Variants in PCDHA5 observed in about 807,000 individuals in gnomAD.
PCDHA5 encodes the protein protocadherin alpha 5, also known as protocadherin alpha-5.
In PCDHA5, 43 loss-of-function variants were observed where a neutral mutation model predicts 61.6. That is an observed-to-expected ratio of 0.70 (90% CI 0.55 to 0.90). The LOEUF is 0.90. Ranked by LOEUF, PCDHA5 falls within the 40% of genes least tolerant of loss-of-function variation. PCDHA5 has a pLI of 0.00. For synonymous variants in PCDHA5, 627 were observed against 543.9 expected (o/e 1.15, Z -2.13); for missense variants, 1,298 against 1,222.7 (o/e 1.06, Z -0.92).
At chr5:140,909,235 A>G (rs1554193708) in intron 1 of PCDHA5, among the ~76,000 whole-genome samples, 1 of 152,182 alleles carries the variant, frequency 6.6e-6, no homozygotes, top group African/African-American at 2.4e-5. Flanking sequence ...TAGGATGGTA[A>G]AGATATATTG....
At chr5:140,869,188 G>A (rs200563745) in intron 1 of PCDHA5, 5 of 1,613,828 alleles carry the variant, frequency 3.1e-6, no homozygotes, top group African/African-American at 2.7e-5. Context: ...GGTGGGGAGC[G>A]GCCAGCTCCA....
intron 1 of PCDHA5, among the ~76,000 whole-genome samples, chr5:140,874,989 A>G (rs1411320872): frequency 6.6e-6 from 1 of 152,218 alleles, no homozygotes; most frequent in Non-Finnish European, 1.5e-5. Context: ...ATTATTCTGT[A>G]TATCATTTTC....
chr5:140,835,843 A>T, intron 1 of PCDHA5: 1 of 1,612,338 alleles, frequency 6.2e-7, no homozygotes, highest in Non-Finnish European at 8.5e-7. Context: ...GCGCAGAAGA[A>T]CGCGCTGGTG....
At chr5:140,875,078 G>A (rs1554167473) in intron 1 of PCDHA5, among the ~76,000 whole-genome samples, 1 of 152,164 alleles carries the variant, frequency 6.6e-6, no homozygotes, top group Non-Finnish European at 1.5e-5. Flanking sequence ...AAGCTACAGC[G>A]TAATAAAATT....
In PCDHA5 at chr5:140,913,634, C is replaced by T. The variant is rs145807488; in HGVS notation, c.2353-65315C>T. On this transcript the variant is annotated intron_variant, in intron 1 of 3. Transcript: ENST00000529859. ...TACTAATTTTGGATTCAGTTTGCTG[C>T]TGCTTTTCTAGTTCTTTAAGATGTA... Among the ~76,000 whole-genome samples the T allele has an allele frequency of 8.0e-3, 1,219 of 152,090 alleles. 7 individuals carry two copies. Among genetic ancestry groups the T allele is most frequent in the African/African-American group, 0.019 (785 of 41,506 alleles).
At chr5:140,849,756 T>C (rs1554143259) in intron 1 of PCDHA5, 2 of 1,598,354 alleles carry the variant, frequency 1.3e-6, no homozygotes, top group Admixed American at 1.7e-5. Flanking sequence ...TGTGTCCGCC[T>C]ACGAGCTGGT....
chr5:140,920,583 C>A (rs1287573835), intron 1 of PCDHA5, among the ~76,000 whole-genome samples: 1 of 152,106 alleles, frequency 6.6e-6, no homozygotes, highest in African/African-American at 2.4e-5. Context: ...CAGTGGCTCA[C>A]GCCTGTAATC....
At chr5:140,890,995 AATTATTG>A (rs2062893933) in intron 1 of PCDHA5, among the ~76,000 whole-genome samples, 1 of 152,138 alleles carries the variant, frequency 6.6e-6, no homozygotes, top group Non-Finnish European at 1.5e-5. Context: ...ATTTCATCAT[AATTATTG>A]AAAAGCATTT....
chr5:140,963,666 ATAGT>A (rs1254219157), intron 1 of PCDHA5, among the ~76,000 whole-genome samples: 1 of 152,216 alleles, frequency 6.6e-6, no homozygotes, highest in African/African-American at 2.4e-5. Flanking sequence ...CCTATATGGC[ATAGT>A]TAAATGTGTT....
chr5:140,946,199 A>G (rs1300104764), intron 1 of PCDHA5, among the ~76,000 whole-genome samples: 10 of 151,964 alleles, frequency 6.6e-5, no homozygotes, highest in Admixed American at 5.2e-4. Context: ...CTCAAAAGAA[A>G]GCACACAAAT....
intron 1 of PCDHA5, chr5:140,842,646 C>T: frequency 6.3e-7 from 1 of 1,595,360 alleles, no homozygotes; most frequent in Non-Finnish European, 8.6e-7. Flanking sequence ...GCCAGCTTGT[C>T]TGTGGAGGTG....
intron 1 of PCDHA5, chr5:140,871,459 G>A (rs781872546): frequency 6.2e-6 from 10 of 1,605,178 alleles, no homozygotes; most frequent in Admixed American, 1.7e-5. Flanking sequence ...GGAGGAAGGG[G>A]AAAGACAGGA....
chr5:140,980,359 C>T (rs369647369), intron 2 of PCDHA5, among the ~76,000 whole-genome samples: 1 of 152,114 alleles, frequency 6.6e-6, no homozygotes. Context: ...GGACTGGGCG[C>T]GGTGGCTCAC....
chr5:140,901,839 A>T (rs578262204), intron 1 of PCDHA5, among the ~76,000 whole-genome samples: 1 of 152,108 alleles, frequency 6.6e-6, no homozygotes, highest in Non-Finnish European at 1.5e-5. Flanking sequence ...TAAACATGCA[A>T]TATCTTTCCA....
At chr5:140,879,201 G>A (rs2057895897) in intron 1 of PCDHA5, among the ~76,000 whole-genome samples, 1 of 152,164 alleles carries the variant, frequency 6.6e-6, no homozygotes, top group Non-Finnish European at 1.5e-5. Context: ...TTAAATTATG[G>A]CAGTAGAAAT....
intron 1 of PCDHA5, chr5:140,875,768 G>C (rs997656321): frequency 6.2e-7 from 1 of 1,614,144 alleles, no homozygotes; most frequent in African/African-American, 1.3e-5. Flanking sequence ...TGCGGGCGGA[G>C]CGCGGAGTGC....
chr5:140,828,649 T>C, intron 1 of PCDHA5: 2 of 1,614,100 alleles, frequency 1.2e-6, no homozygotes, highest in Non-Finnish European at 1.7e-6. Context: ...AAATAAACAG[T>C]GATGACAATA....
At chr5:140,842,201 A>G (rs2150331632) in intron 1 of PCDHA5, 2 of 1,613,740 alleles carry the variant, frequency 1.2e-6, no homozygotes, top group East Asian at 2.2e-5. Context: ...TGACCACTTT[A>G]GCATAGATCG....
intron 1 of PCDHA5, chr5:140,843,463 G>A: frequency 1.9e-6 from 3 of 1,596,032 alleles, no homozygotes; most frequent in Non-Finnish European, 2.6e-6. Flanking sequence ...TGGTGCTCAC[G>A]CTGCTGCTGT....
Sources: allele counts gnomAD v4.1 joint callset (sites outside exome capture counted in the v4.1 genomes callset), GRCh38; gene constraint gnomAD v4.1.1; transcripts MANE v1.5; gene names NCBI Gene and HGNC (gene_info 2026-07-23, HGNC 2026-07-21).